Variants in EXD1 observed in about 807,000 individuals in gnomAD.
The protein encoded by EXD1 is piRNA biogenesis protein EXD1.
A neutral mutation model predicts 49.1 loss-of-function variants in EXD1; 63 were observed. The observed-to-expected ratio is 1.28, with a 90% CI of 1.05 to 1.58. EXD1 has a LOEUF of 1.58. Ranked by LOEUF, EXD1 falls within the 40% of genes most tolerant of loss-of-function variation. The pLI, the probability that EXD1 is intolerant of heterozygous loss-of-function variation, is 0.00. For synonymous variants in EXD1, 234 were observed against 239.2 expected (o/e 0.98, Z 0.20); for missense variants, 748 against 666.0 (o/e 1.12, Z -1.36).
intron 7 of EXD1, among the ~76,000 whole-genome samples, chr15:41,197,601 T>C (rs1387116060): frequency 1.3e-5 from 2 of 151,836 alleles, no homozygotes; most frequent in East Asian, 1.9e-4. Flanking sequence ...GACACAATCA[T>C]TGTGATTTTC....
In EXD1 at chr15:41,184,473, GC is replaced by G. The variant is rs774892227; in HGVS notation, c.1176del (p.Leu393TyrfsTer6). On this transcript the variant is annotated frameshift_variant, in exon 12 of 12. Coordinates refer to ENST00000458580, the MANE Select transcript of EXD1 (RefSeq NM_001286441.2). LOFTEE classifies it low-confidence loss of function (END_TRUNC). ...VNAQGLLIRT[V>X]LQPKKLVTET... Reference sequence around the variant, plus strand: ...TCTGTCACTAATTTCTTTGGCTGTAGCACTGTCCTTATCAGGAGTCCCTGTG... The same window carrying G: ...TCTGTCACTAATTTCTTTGGCTGTAGACTGTCCTTATCAGGAGTCCCTGTG... The G allele has an allele frequency of 1.2e-6, 2 of 1,614,100 alleles. No homozygotes were observed. Among genetic ancestry groups the G allele is most frequent in the Admixed American group, 3.3e-5 (2 of 59,994 alleles).
intron 7 of EXD1, among the ~76,000 whole-genome samples, chr15:41,208,999 C>A (rs1043238135): frequency 8.3e-5 from 12 of 145,104 alleles, no homozygotes; most frequent in South Asian, 2.2e-4. Context: ...AAAAAAAAAA[C>A]AAAGTGAATC....
intron 1 of EXD1, among the ~76,000 whole-genome samples, chr15:41,228,742 AG>A (rs1316896528): frequency 1.3e-5 from 2 of 152,202 alleles, no homozygotes; most frequent in East Asian, 3.8e-4. Flanking sequence ...CTCTGTCGCC[AG>A]GCTGGAGTGC....
chr15:41,195,928 C>T lies in EXD1; in HGVS notation c.639+5G>A, dbSNP rs767625165. On this transcript the variant is annotated splice_donor_5th_base_variant and intron_variant, in intron 8 of 11. Transcript: ENST00000458580. Reference sequence around the variant, plus strand: ...AATAGCACAGGAATCAGTTTATATACTTACCTTCAAAATTCTCTTGTCTTC... The same window carrying T: ...AATAGCACAGGAATCAGTTTATATATTTACCTTCAAAATTCTCTTGTCTTC... 1.2e-5 allele frequency: 20 copies of T among 1,609,966 alleles called. No homozygotes were observed. Among genetic ancestry groups the T allele is most frequent in the Non-Finnish European group, 1.6e-5 (19 of 1,178,220 alleles).
At chr15:41,226,411 A>G (rs992000250) in intron 2 of EXD1, 32 bp downstream of exon 2, 14 of 1,532,672 alleles carry the variant, frequency 9.1e-6, no homozygotes, top group Non-Finnish European at 1.2e-5. Flanking sequence ...AATCTCTTAA[A>G]AGGCAGAACA....
chr15:41,206,929 CTTT>C (rs532980257), intron 7 of EXD1, among the ~76,000 whole-genome samples: 17,631 of 54,528 alleles, frequency 0.32, 3,232 homozygotes, highest in African/African-American at 0.54. Context: ...CTATTCAACT[CTTT>C]TTTTTTTTTT....
chr15:41,198,420 G>A (rs2046649239), intron 7 of EXD1, among the ~76,000 whole-genome samples: 2 of 152,102 alleles, frequency 1.3e-5, no homozygotes, highest in Admixed American at 6.5e-5. Flanking sequence ...GCTGGGCAAG[G>A]TGGCTCACAC....
In EXD1 at chr15:41,224,362, C is replaced by T. The variant is rs75362905; in HGVS notation, c.133+2081G>A. ...ACTAAATGAATTAATGTTGCAGAAACCTGTTACAATCCCATCCTAGCCCAT... is the reference window on the plus strand; with the variant it reads ...ACTAAATGAATTAATGTTGCAGAAATCTGTTACAATCCCATCCTAGCCCAT... On this transcript the variant is annotated intron_variant, in intron 2 of 11. Transcript: ENST00000458580. Among the ~76,000 whole-genome samples the T allele has an allele frequency of 8.9e-3, 1,353 of 152,232 alleles. 22 individuals carry two copies. The highest frequency in any genetic ancestry group is 0.031 in the African/African-American group (1,289 of 41,540).
chr15:41,193,965 T>C (rs917902743), intron 9 of EXD1, among the ~76,000 whole-genome samples: 16 of 151,226 alleles, frequency 1.1e-4, no homozygotes, highest in Admixed American at 3.3e-4. Context: ...TTATCCTGAA[T>C]TACCCAGGTA....
chr15:41,192,605 T>TG (rs1300815053), intron 9 of EXD1, among the ~76,000 whole-genome samples: 5 of 92,572 alleles, frequency 5.4e-5, no homozygotes, highest in African/African-American at 2.5e-4. Flanking sequence ...TTTTTTTTTT[T>TG]TTTTTTTTTT....
At chr15:41,193,941 A>G (rs1450133635) in intron 9 of EXD1, among the ~76,000 whole-genome samples, 2 of 149,840 alleles carry the variant, frequency 1.3e-5, no homozygotes, top group South Asian at 4.2e-4. Context: ...TAAGTTAAGG[A>G]TTTTGAGATG....
At chr15:41,206,137 T>A (rs2046818508) in intron 7 of EXD1, among the ~76,000 whole-genome samples, 1 of 152,052 alleles carries the variant, frequency 6.6e-6, no homozygotes, top group South Asian at 2.1e-4. Context: ...TGTGTAAAAC[T>A]GATAAATCAA....
intron 9 of EXD1, among the ~76,000 whole-genome samples, chr15:41,192,470 T>C (rs913712902): frequency 4.0e-5 from 6 of 151,880 alleles, no homozygotes; most frequent in African/African-American, 1.4e-4. Flanking sequence ...CTAATTTTCA[T>C]ATTGTTAGTG....
chr15:41,224,813 A>C (rs2047136788), intron 2 of EXD1, among the ~76,000 whole-genome samples: 1 of 152,124 alleles, frequency 6.6e-6, no homozygotes, highest in African/African-American at 2.4e-5. Context: ...GATTAAAAAA[A>C]CTAGCCAGGT....
intron 1 of EXD1, among the ~76,000 whole-genome samples, chr15:41,229,504 C>T (rs546281853): frequency 6.6e-6 from 1 of 152,260 alleles, no homozygotes; most frequent in East Asian, 1.9e-4. Context: ...TGCGGTGGCT[C>T]ACGCCTGTAA....
intron 7 of EXD1, among the ~76,000 whole-genome samples, chr15:41,201,964 G>A (rs1479232518): frequency 6.6e-6 from 1 of 151,916 alleles, no homozygotes; most frequent in Non-Finnish European, 1.5e-5. Context: ...ACTAGCTGGG[G>A]CAACAAAGCA....
intron 2 of EXD1, among the ~76,000 whole-genome samples, chr15:41,222,009 A>G (rs1237010476): frequency 6.6e-6 from 1 of 151,802 alleles, no homozygotes; most frequent in Non-Finnish European, 1.5e-5. Context: ...CTGAGGTAGA[A>G]GAATTGCTTG....
chr15:41,184,657 A>AC (rs2046378987), intron 11 of EXD1, 64 bp from the exon 12 acceptor site: 263 of 1,104,556 alleles, frequency 2.4e-4, no homozygotes, highest in Middle Eastern at 5.6e-4. Context: ...ACTTAAAATC[A>AC]CTTTTTTTTT....
chr15:41,214,720 G>A (rs1378399635), intron 6 of EXD1, among the ~76,000 whole-genome samples: 1 of 151,860 alleles, frequency 6.6e-6, no homozygotes, highest in Non-Finnish European at 1.5e-5. Context: ...CAGGGCCTTT[G>A]CACTTGCTAA....
Sources: allele counts gnomAD v4.1 joint callset (sites outside exome capture counted in the v4.1 genomes callset), GRCh38; gene constraint gnomAD v4.1.1; transcripts MANE v1.5; gene names NCBI Gene and HGNC (gene_info 2026-07-23, HGNC 2026-07-21).